Variants in PEX5L observed in about 807,000 individuals in gnomAD.
PEX5L encodes PEX5-related protein.
In PEX5L, 30 loss-of-function variants were observed where a neutral mutation model predicts 84.0. The observed-to-expected ratio is 0.36, with a 90% CI of 0.27 to 0.48. The LOEUF (loss-of-function observed/expected upper bound fraction) is 0.48. Ranked by LOEUF, PEX5L falls within the 20% of genes least tolerant of loss-of-function variation. The pLI is 0.99. For missense variants in PEX5L, 533 were observed against 754.6 expected (o/e 0.71, Z 3.44); for synonymous variants, 270 against 283.1 (o/e 0.95, Z 0.46).
In PEX5L at chr3:179,900,743, G is replaced by A. The variant is rs546851018; in HGVS notation, c.94-2497C>T. The A allele has an allele frequency of 3.3e-6, 5 of 1,533,396 alleles. No individual in the cohort carries two copies. In the African/African-American group the frequency reaches 6.8e-5, roughly 21 times the overall value. The allele number at this position is 1,533,396 out of a possible 1,614,324, so 95.0% of individuals were successfully genotyped here. ...CAAGGTTACACCTACTACCTGAAAA[G>A]AGTCATGACACACCCATGTTAGTGC... On this transcript the variant is annotated intron_variant, in intron 2 of 14. Coordinates refer to ENST00000467460, the MANE Select transcript of PEX5L (RefSeq NM_016559.3).
intron 1 of PEX5L, among the ~76,000 whole-genome samples, chr3:179,992,944 C>T (rs1425593230): frequency 6.6e-6 from 1 of 151,818 alleles, no homozygotes; most frequent in Non-Finnish European, 1.5e-5. Context: ...AACGCACAGT[C>T]TATAACTTAG....
Position 179,928,934 on chromosome 3 carries a change from G to A in PEX5L, c.94-30688C>T, listed in dbSNP as rs371149813. ...ATACATTCTCCTTAGTCTGATGACT[G>A]AAATTTGTAAACAGCTGTCCCTGTC... On this transcript the variant is annotated intron_variant, in intron 2 of 14. Transcript: ENST00000467460. Among the ~76,000 whole-genome samples the A allele has an allele frequency of 2.6e-5, 4 of 152,304 alleles. No homozygotes were observed. The South Asian group carries it at 6.2e-4, about 24-fold the overall frequency.
At chr3:179,925,386 T>G (rs1771145824) in intron 2 of PEX5L, among the ~76,000 whole-genome samples, 1 of 152,190 alleles carries the variant, frequency 6.6e-6, no homozygotes, top group African/African-American at 2.4e-5. Flanking sequence ...AGAGTTTCTT[T>G]ATGTCCATGC....
At chr3:179,984,975 A>G (rs2110344490) in intron 1 of PEX5L, among the ~76,000 whole-genome samples, 1 of 152,336 alleles carries the variant, frequency 6.6e-6, no homozygotes, top group East Asian at 1.9e-4. Flanking sequence ...ATCAAATGCA[A>G]GTCTGCTAAC....
chr3:179,848,190 C>G (rs936915696), intron 8 of PEX5L, among the ~76,000 whole-genome samples: 2 of 152,048 alleles, frequency 1.3e-5, no homozygotes, highest in African/African-American at 2.4e-5. Context: ...TACAGTGCAG[C>G]ACTGCTAAGA....
intron 5 of PEX5L, 26 bp from the exon 6 acceptor site, chr3:179,875,503 A>ATCAC: frequency 1.5e-6 from 2 of 1,341,090 alleles, no homozygotes; most frequent in Non-Finnish European, 2.0e-6. Context: ...GAAGCAGGTG[A>ATCAC]GGCAGGTGGC....
At chr3:180,032,434 T>G (rs925316147) in intron 1 of PEX5L, among the ~76,000 whole-genome samples, 3 of 152,196 alleles carry the variant, frequency 2.0e-5, no homozygotes, top group African/African-American at 7.2e-5. Flanking sequence ...AACTCTAAAC[T>G]AATCTCAAAG....
chr3:179,874,738 GTTTTTTTTTT>G (rs3836472), intron 6 of PEX5L, among the ~76,000 whole-genome samples: 6 of 45,980 alleles, frequency 1.3e-4, no homozygotes, highest in Non-Finnish European at 1.8e-4. Context: ...TTTTTTTTTT[GTTTTTTTTTT>G]TTTTTTTTTT....
At chr3:179,803,423 AAGTGT>A (rs1719894143) in intron 14 of PEX5L, among the ~76,000 whole-genome samples, 1 of 152,184 alleles carries the variant, frequency 6.6e-6, no homozygotes, top group Non-Finnish European at 1.5e-5. Flanking sequence ...TAATTATTAA[AAGTGT>A]AGAGGGGTCC....
intron 2 of PEX5L, chr3:179,898,461 C>A (rs181992030): frequency 7.1e-5 from 29 of 409,220 alleles, no homozygotes; most frequent in African/African-American, 5.7e-4. Context: ...CCCTTTACAG[C>A]TGACATATTA....
chr3:179,959,394 G>C (rs1239274515), intron 2 of PEX5L, among the ~76,000 whole-genome samples: 1 of 152,164 alleles, frequency 6.6e-6, no homozygotes, highest in Non-Finnish European at 1.5e-5. Context: ...CACGGGCACT[G>C]TAACTGTCTG....
intron 7 of PEX5L, among the ~76,000 whole-genome samples, chr3:179,874,082 A>G (rs1751287057): frequency 6.6e-6 from 1 of 152,146 alleles, no homozygotes; most frequent in Admixed American, 6.5e-5. Flanking sequence ...AAAAGTGCTA[A>G]GTACACAGTG....
chr3:179,800,185 G>A lies in PEX5L; in HGVS notation c.*1643C>T, dbSNP rs1718439777. 2 of 152,186 alleles carry A rather than the reference G, an allele frequency of 1.3e-5. No homozygotes were observed. The highest frequency in any genetic ancestry group is 1.3e-4 in the Admixed American group (2 of 15,272). The allele number at this position is 152,186 out of a possible 1,614,324, so 9.4% of individuals were successfully genotyped here. ...TCGCATTCAATTGATAAGCACGTGT[G>A]CACATTTACTCCTCAGTAGAAGCTT... On this transcript the variant is annotated 3_prime_UTR_variant, in exon 15 of 15. Coordinates refer to ENST00000467460, the MANE Select transcript of PEX5L (RefSeq NM_016559.3).
At chr3:179,968,898 C>T (rs530774801) in intron 2 of PEX5L, among the ~76,000 whole-genome samples, 282 of 152,180 alleles carry the variant, frequency 1.9e-3, no homozygotes, top group African/African-American at 6.2e-3. Context: ...TACACATTTC[C>T]GAAATACACT....
At chr3:179,821,109 G>T (rs1728356859) in intron 8 of PEX5L, among the ~76,000 whole-genome samples, 2 of 152,186 alleles carry the variant, frequency 1.3e-5, no homozygotes, top group Non-Finnish European at 2.9e-5. Context: ...AAGCGGCGGG[G>T]CGGCGGGTGG....
chr3:179,955,681 T>C (rs1365576293), intron 2 of PEX5L, among the ~76,000 whole-genome samples: 2 of 152,098 alleles, frequency 1.3e-5, no homozygotes, highest in Non-Finnish European at 1.5e-5. Context: ...ATAGAATCTA[T>C]AGTGATTAAA....
rs144994572 is a variant in PEX5L at position 179,847,826 on chromosome 3, C to T, written c.822+11236G>A. ...AAGTGATTCTCCCACCTCAACCTCCCGAGTAGCTGGGACTATCTGTATCAC... is the reference window on the plus strand; with the variant it reads ...AAGTGATTCTCCCACCTCAACCTCCTGAGTAGCTGGGACTATCTGTATCAC... On this transcript the variant is annotated intron_variant, in intron 8 of 14. Transcript: ENST00000467460. Among the ~76,000 whole-genome samples the T allele has an allele frequency of 5.2e-3, 791 of 152,144 alleles. 8 individuals are homozygous for T. The highest frequency in any genetic ancestry group is 0.018 in the African/African-American group (744 of 41,474).
chr3:180,018,767 CCTGT>C (rs1392247480), intron 1 of PEX5L, among the ~76,000 whole-genome samples: 1 of 152,190 alleles, frequency 6.6e-6, no homozygotes, highest in Non-Finnish European at 1.5e-5. Flanking sequence ...CCCAGGCCTG[CCTGT>C]CTTACTGGGT....
Position 179,939,269 on chromosome 3 carries a change from G to GT in PEX5L, c.93+32324dup, listed in dbSNP as rs536123411. 9.6e-3 allele frequency among the ~76,000 whole-genome samples: 1,459 copies of GT among 152,302 alleles called. 17 individuals are homozygous for GT. Among genetic ancestry groups the GT allele is most frequent in the Non-Finnish European group, 0.011 (730 of 68,036 alleles). On this transcript the variant is annotated intron_variant, in intron 2 of 14. Coordinates refer to ENST00000467460, the MANE Select transcript of PEX5L (RefSeq NM_016559.3). ...CAGGATTGATACCTCTTATAAGACA[G>GT]TGTTGGTAAAGCCTTCTCAAAATTC...
Sources: gnomAD v4.1 joint callset for allele counts (sites outside exome capture counted in the v4.1 genomes callset) on GRCh38, gnomAD v4.1.1 for gene constraint, MANE v1.5 for transcripts, NCBI Gene and HGNC (gene_info 2026-07-23, HGNC 2026-07-21) for gene names.